STPG2: variants seen among roughly 807,000 people sequenced by gnomAD.
STPG2 encodes sperm tail PG-rich repeat containing 2, also known as sperm-tail PG-rich repeat-containing protein 2.
Under a neutral mutation model 54.2 loss-of-function variants are expected in STPG2, and 56 were observed. That is an observed-to-expected ratio of 1.03 (90% CI 0.83 to 1.29). The LOEUF is 1.29. Ranked by LOEUF, STPG2 falls within the 50% of genes most tolerant of loss-of-function variation. STPG2 has a pLI of 0.00. For missense variants in STPG2, 596 were observed against 544.9 expected, an observed-to-expected ratio of 1.09 and a Z score of -0.93; for synonymous variants, 200 against 181.8, an observed-to-expected ratio of 1.10 and a Z score of -0.81.
intron 7 of STPG2, among the ~76,000 whole-genome samples, chr4:97,959,660 C>G (rs1733813669): frequency 6.6e-6 from 1 of 151,422 alleles, no homozygotes; most frequent in Non-Finnish European, 1.5e-5. Context: ...CAGGAAGAAG[C>G]AGATACCCTG....
At chr4:98,133,371 C>A (rs992255661) in intron 2 of STPG2, among the ~76,000 whole-genome samples, 1 of 152,014 alleles carries the variant, frequency 6.6e-6, no homozygotes. Flanking sequence ...GCCCTTTTCA[C>A]ATGTCCAGTT....
At chr4:98,090,754 A>C (rs1214581582) in intron 5 of STPG2, among the ~76,000 whole-genome samples, 3 of 151,488 alleles carry the variant, frequency 2.0e-5, no homozygotes, top group Non-Finnish European at 4.4e-5. Flanking sequence ...CTTCTTCTTT[A>C]TTTCTTTCTT....
chr4:98,111,694 T>TA (rs5860523), intron 3 of STPG2, among the ~76,000 whole-genome samples: 60,021 of 151,896 alleles, frequency 0.4, 12,097 homozygotes, highest in Middle Eastern at 0.46. Context: ...ACATAGCTGA[T>TA]AAAGTGTTAT....
At chr4:98,000,603 G>C (rs999666085) in intron 5 of STPG2, among the ~76,000 whole-genome samples, 1 of 151,990 alleles carries the variant, frequency 6.6e-6, no homozygotes, top group African/African-American at 2.4e-5. Context: ...TGCATTCTTT[G>C]TTTCTGTTCT....
chr4:98,092,980 A>G (rs1738735134), intron 5 of STPG2, among the ~76,000 whole-genome samples: 1 of 152,166 alleles, frequency 6.6e-6, no homozygotes, highest in African/African-American at 2.4e-5. Flanking sequence ...GTTTTAATGA[A>G]TTTGAGAAAT....
At chr4:97,972,160 G>T in intron 7 of STPG2, 120 bp downstream of exon 7, 2 of 617,626 alleles carry the variant, frequency 3.2e-6, no homozygotes, top group South Asian at 4.6e-5. Flanking sequence ...TTAACATATG[G>T]AACATGGTTA....
intron 8 of STPG2, among the ~76,000 whole-genome samples, chr4:97,862,101 T>TGC (rs1729571463): frequency 1.3e-5 from 2 of 151,912 alleles, no homozygotes; most frequent in African/African-American, 4.8e-5. Context: ...ATGGGCTAAA[T>TGC]TACCCAATTA....
chr4:97,807,112 C>T (rs1255907577), intron 9 of STPG2, among the ~76,000 whole-genome samples: 2 of 150,904 alleles, frequency 1.3e-5, no homozygotes, highest in African/African-American at 2.4e-5. Flanking sequence ...TGATATTGTA[C>T]TTTATTTTCT....
At chr4:98,102,061 A>T (rs1469163112) in intron 5 of STPG2, among the ~76,000 whole-genome samples, 1 of 152,108 alleles carries the variant, frequency 6.6e-6, no homozygotes, top group African/African-American at 2.4e-5. Context: ...GTAAAATGGG[A>T]TCTTTTTCTT....
chr4:97,918,233 A>T (rs1731961019), intron 8 of STPG2, among the ~76,000 whole-genome samples: 1 of 152,180 alleles, frequency 6.6e-6, no homozygotes, highest in African/African-American at 2.4e-5. Flanking sequence ...TGGTGAAAAT[A>T]AAAAACTAGT....
In STPG2 at chr4:98,081,478, A is replaced by T. The variant is rs370840938; in HGVS notation, c.612+24475T>A. Among the ~76,000 whole-genome samples the T allele has an allele frequency of 1.8e-4, 27 of 152,176 alleles. 1 individual carries two copies. Among genetic ancestry groups the T allele is most frequent in the African/African-American group, 6.0e-4 (25 of 41,508 alleles). ...TCAATTTTTCTTCAAAACAAATTTTAAAAAAAACTGATGGGAGACCATTAT... is the reference window on the plus strand; with the variant it reads ...TCAATTTTTCTTCAAAACAAATTTTTAAAAAAACTGATGGGAGACCATTAT... On this transcript the variant is annotated intron_variant, in intron 5 of 10. Coordinates refer to ENST00000295268, the MANE Select transcript of STPG2 (RefSeq NM_174952.3).
Position 98,044,476 on chromosome 4 carries a change from G to A in STPG2, c.612+61477C>T, listed in dbSNP as rs115065556. Among the ~76,000 whole-genome samples the A allele has an allele frequency of 5.6e-3, 846 of 152,200 alleles. 4 individuals are homozygous for A. Among genetic ancestry groups the A allele is most frequent in the Non-Finnish European group, 8.6e-3 (587 of 68,014 alleles). ...TTTTCTAGATTTTCTCTACCTTTCTGCACTTACCTTTCTGCTCTGAGAAGC... is the reference window on the plus strand; with the variant it reads ...TTTTCTAGATTTTCTCTACCTTTCTACACTTACCTTTCTGCTCTGAGAAGC... On this transcript the variant is annotated intron_variant, in intron 5 of 10. Transcript: ENST00000295268.
chr4:97,521,731 A>G (rs1170554186), intron 4 of STPG2, among the ~76,000 whole-genome samples: 2 of 152,038 alleles, frequency 1.3e-5, no homozygotes, highest in Admixed American at 6.6e-5. Context: ...CCTGAAGTTA[A>G]AAACAGGATG....
chr4:97,456,812 C>T (rs1037343492), intron 4 of STPG2, among the ~76,000 whole-genome samples: 1 of 144,842 alleles, frequency 6.9e-6, no homozygotes, highest in Non-Finnish European at 1.5e-5. Context: ...AGGAGAATGG[C>T]GTGAATCCAG....
intron 10 of STPG2, among the ~76,000 whole-genome samples, chr4:97,678,071 T>C (rs570496335): frequency 1.4e-3 from 209 of 152,186 alleles, no homozygotes; most frequent in Admixed American, 3.2e-3. Flanking sequence ...TTAGTAATTA[T>C]ATGTGTGAAC....
At chr4:98,081,152 C>T (rs1216130480) in intron 5 of STPG2, among the ~76,000 whole-genome samples, 1 of 152,126 alleles carries the variant, frequency 6.6e-6, no homozygotes, top group Non-Finnish European at 1.5e-5. Context: ...GGTCAAGTCT[C>T]CTGGAGGCTA....
At chr4:97,693,474 A>C (rs1008639685) in intron 10 of STPG2, among the ~76,000 whole-genome samples, 3 of 152,212 alleles carry the variant, frequency 2.0e-5, no homozygotes, top group Non-Finnish European at 4.4e-5. Context: ...CTACTCTAAA[A>C]GGAAAATATC....
intron 10 of STPG2, among the ~76,000 whole-genome samples, chr4:97,593,876 A>T (rs1430889635): frequency 6.6e-6 from 1 of 152,192 alleles, no homozygotes; most frequent in African/African-American, 2.4e-5. Flanking sequence ...GATTTGGAGC[A>T]TGTAGCCCAG....
intron 8 of STPG2, among the ~76,000 whole-genome samples, chr4:97,882,075 G>A (rs1482204568): frequency 2.6e-5 from 4 of 152,244 alleles, no homozygotes; most frequent in Non-Finnish European, 1.5e-5. Flanking sequence ...TTTATCTGGA[G>A]TGCAGTACAG....
Sources: allele counts gnomAD v4.1 joint callset (sites outside exome capture counted in the v4.1 genomes callset), GRCh38; gene constraint gnomAD v4.1.1; transcripts MANE v1.5; gene names NCBI Gene and HGNC (gene_info 2026-07-23, HGNC 2026-07-21).